The following GPC6 variants were observed in gnomAD, a reference collection of about 807,000 sequenced individuals.
GPC6 encodes the protein glypican-6.
Under a neutral mutation model 55.2 loss-of-function variants are expected in GPC6, and 14 were observed. The observed-to-expected ratio is 0.25, with a 90% confidence interval of 0.17 to 0.40. The LOEUF is 0.40. Ranked by LOEUF, GPC6 falls within the 10% of genes least tolerant of loss-of-function variation. The pLI, the probability that GPC6 is intolerant of heterozygous loss-of-function variation, is 1.00. For synonymous variants in GPC6, 278 were observed against 259.6 expected, an observed-to-expected ratio of 1.07 and a Z score of -0.68; for missense variants, 641 against 708.5, an observed-to-expected ratio of 0.90 and a Z score of 1.08.
intron 4 of GPC6, among the ~76,000 whole-genome samples, chr13:94,118,870 C>T (rs1331240204): frequency 6.6e-6 from 1 of 152,060 alleles, no homozygotes; most frequent in Non-Finnish European, 1.5e-5. Flanking sequence ...TTTACTTCTG[C>T]TTCAGAGAGT....
chr13:93,329,753 T>C (rs547437769), intron 1 of GPC6, among the ~76,000 whole-genome samples: 1 of 152,122 alleles, frequency 6.6e-6, no homozygotes, highest in Non-Finnish European at 1.5e-5. Flanking sequence ...AGTTCCCTAG[T>C]GTTATGTGTC....
chr13:93,780,686 G>T (rs1472119412), intron 2 of GPC6, among the ~76,000 whole-genome samples: 6 of 151,072 alleles, frequency 4.0e-5, no homozygotes, highest in African/African-American at 1.5e-4. Flanking sequence ...TCCTATTAAA[G>T]GTTTGACAAT....
intron 1 of GPC6, among the ~76,000 whole-genome samples, chr13:93,285,549 G>T (rs1385960504): frequency 6.6e-6 from 1 of 150,958 alleles, no homozygotes; most frequent in East Asian, 1.9e-4. Flanking sequence ...AAGCCAATTT[G>T]TATAATTTTT....
At chr13:93,606,999 T>C (rs952079476) in intron 2 of GPC6, among the ~76,000 whole-genome samples, 35 of 152,168 alleles carry the variant, frequency 2.3e-4, no homozygotes, top group African/African-American at 8.4e-4. Flanking sequence ...ACAGGCAATA[T>C]AATATTTTCT....
chr13:93,837,470 T>G lies in GPC6; in HGVS notation c.711+6925T>G, dbSNP rs532341535. On this transcript the variant is annotated intron_variant, in intron 3 of 8. Coordinates refer to ENST00000377047, the MANE Select transcript of GPC6 (RefSeq NM_005708.5). Reference sequence around the variant, plus strand: ...ATCCAACCTTCATCTGACCCAAATGTTAACTCTTGTAAAAACAGAGCCACT... The same window carrying G: ...ATCCAACCTTCATCTGACCCAAATGGTAACTCTTGTAAAAACAGAGCCACT... Among the ~76,000 whole-genome samples the G allele has an allele frequency of 2.6e-5, 4 of 152,306 alleles. No individual in the cohort carries two copies. The South Asian group carries it at 8.3e-4, about 32-fold the overall frequency.
Position 93,496,193 on chromosome 13 carries a change from C to A in GPC6, c.161-49070C>A, listed in dbSNP as rs1317481738. Among the ~76,000 whole-genome samples the A allele has an allele frequency of 2.0e-5, 3 of 152,262 alleles. No individual in the cohort carries two copies. The East Asian group carries it at 5.8e-4, about 30-fold the overall frequency. On this transcript the variant is annotated intron_variant, in intron 1 of 8. Coordinates refer to ENST00000377047, the MANE Select transcript of GPC6 (RefSeq NM_005708.5). ...TCAGCGAGAGTCCGTGGGCGTAGGA[C>A]CCTCCGAGCCAGGTGTGGGATATAG...
At chr13:93,869,549 A>T (rs1889065756) in intron 3 of GPC6, among the ~76,000 whole-genome samples, 1 of 151,906 alleles carries the variant, frequency 6.6e-6, no homozygotes, top group Admixed American at 6.6e-5. Flanking sequence ...TACTTCTAAA[A>T]TACAAATGCT....
intron 3 of GPC6, among the ~76,000 whole-genome samples, chr13:93,865,328 T>C (rs1002940766): frequency 1.3e-5 from 2 of 151,722 alleles, no homozygotes; most frequent in African/African-American, 4.8e-5. Context: ...ATGTCTGGCC[T>C]ACTTCAAGAG....
chr13:93,421,637 G>GCA lies in GPC6; in HGVS notation c.161-123625_161-123624dup, dbSNP rs1199964767. On this transcript the variant is annotated intron_variant, in intron 1 of 8. Coordinates refer to ENST00000377047, the MANE Select transcript of GPC6 (RefSeq NM_005708.5). Reference sequence around the variant, plus strand: ...TGAACTATTTGAAAGTCCCTAATGTGCAGATTCACGTGAAATTACCCCATG... The same window carrying GCA: ...TGAACTATTTGAAAGTCCCTAATGTGCACAGATTCACGTGAAATTACCCCATG... 2.0e-5 allele frequency among the ~76,000 whole-genome samples: 3 copies of GCA among 152,108 alleles called. No individual in the cohort carries two copies. The East Asian group carries it at 5.8e-4, about 30-fold the overall frequency.
intron 3 of GPC6, among the ~76,000 whole-genome samples, chr13:93,839,001 GACAAATGAT>G (rs1887848214): frequency 1.3e-5 from 2 of 152,134 alleles, no homozygotes; most frequent in South Asian, 2.1e-4. Flanking sequence ...TGAAAACAAA[GACAAATGAT>G]GAGAACCAGC....
At chr13:93,783,195 A>G (rs943903948) in intron 2 of GPC6, among the ~76,000 whole-genome samples, 2 of 152,102 alleles carry the variant, frequency 1.3e-5, no homozygotes, top group African/African-American at 4.8e-5. Context: ...GTATACACAC[A>G]TTTTTATTTT....
chr13:94,210,504 A>G (rs1890045753), intron 4 of GPC6, among the ~76,000 whole-genome samples: 1 of 152,162 alleles, frequency 6.6e-6, no homozygotes, highest in Non-Finnish European at 1.5e-5. Flanking sequence ...CCCATAATTT[A>G]GGTAAATACT....
chr13:94,267,293 A>G (rs1012285701), intron 4 of GPC6, among the ~76,000 whole-genome samples: 6 of 152,146 alleles, frequency 3.9e-5, no homozygotes, highest in African/African-American at 9.7e-5. Context: ...ATGGTAACCT[A>G]TAAGGGTTAG....
upstream of GPC6, among the ~76,000 whole-genome samples, chr13:93,222,864 CT>C (rs1312953038): frequency 6.6e-6 from 1 of 152,106 alleles, no homozygotes; most frequent in African/African-American, 2.4e-5. Flanking sequence ...GGTTTGGTGA[CT>C]CAAATAGGAA....
At chr13:93,511,103 G>A (rs1443159632) in intron 1 of GPC6, among the ~76,000 whole-genome samples, 2 of 145,626 alleles carry the variant, frequency 1.4e-5, no homozygotes, top group African/African-American at 2.5e-5. Context: ...GTCCCCTGTC[G>A]GATGAATAGT....
intron 4 of GPC6, among the ~76,000 whole-genome samples, chr13:94,253,090 C>T (rs1386317315): frequency 6.6e-6 from 1 of 152,138 alleles, no homozygotes; most frequent in African/African-American, 2.4e-5. Context: ...AAACTCCCTC[C>T]TGTGAATCTC....
At chr13:93,962,918 T>G (rs930953192) in intron 3 of GPC6, among the ~76,000 whole-genome samples, 1 of 152,128 alleles carries the variant, frequency 6.6e-6, no homozygotes, top group South Asian at 2.1e-4. Context: ...TCTCAAATAT[T>G]GTGTGACAGT....
intron 1 of GPC6, among the ~76,000 whole-genome samples, chr13:93,541,853 T>C (rs1247408820): frequency 1.1e-4 from 16 of 151,522 alleles, no homozygotes; most frequent in Admixed American, 2.6e-4. Context: ...TCATGTCCTT[T>C]GCCCACTTTT....
At chr13:93,377,546 A>T (rs1358074458) in intron 1 of GPC6, among the ~76,000 whole-genome samples, 2 of 152,178 alleles carry the variant, frequency 1.3e-5, no homozygotes, top group African/African-American at 4.8e-5. Flanking sequence ...AAACGTTGAT[A>T]AAACAAAAAG....
Sources: gnomAD v4.1 joint callset for allele counts (sites outside exome capture counted in the v4.1 genomes callset) on GRCh38, gnomAD v4.1.1 for gene constraint, MANE v1.5 for transcripts, NCBI Gene and HGNC (gene_info 2026-07-23, HGNC 2026-07-21) for gene names.